Variants in NFATC1 observed in about 807,000 individuals in gnomAD.
The protein encoded by NFATC1 is nuclear factor of activated T cells 1.
Under a neutral mutation model 76.0 loss-of-function variants are expected in NFATC1, and 22 were observed. The observed-to-expected ratio is 0.29, with a 90% confidence interval of 0.21 to 0.41. The LOEUF (loss-of-function observed/expected upper bound fraction) is 0.41, where lower values mean the gene tolerates loss of function less well. NFATC1 is among the 10% of genes least tolerant of loss of function. The pLI, the probability that NFATC1 is intolerant of heterozygous loss-of-function variation, is 1.00. For synonymous variants in NFATC1, 704 were observed against 613.1 expected, an observed-to-expected ratio of 1.15 and a Z score of -2.19; for missense variants, 1,357 against 1,337.7, an observed-to-expected ratio of 1.01 and a Z score of -0.23.
chr18:79,400,331 G>T, intron 1 of NFATC1: 1 of 1,341,686 alleles, frequency 7.5e-7, no homozygotes, highest in South Asian at 1.6e-5. Flanking sequence ...GCAGCGCCGG[G>T]AGAACCGAAC....
rs367652299 is a variant in NFATC1, at chr18:79,411,375, C to T, written c.1100C>T (p.Ala367Val). The T allele has an allele frequency of 2.7e-5, 43 of 1,584,124 alleles. No homozygotes were observed. Among genetic ancestry groups the T allele is most frequent in the East Asian group, 1.1e-4 (5 of 44,682 alleles). Residue 367 changes from alanine (A) to valine (V), a missense_variant, in exon 2 of 10, where the codon GCG becomes GTG. Physicochemically the swap from Ala to Val is moderately conservative, Grantham distance 64 (BLOSUM62 0). Transcript: ENST00000427363. ...LGSPPPPADF[A>V]PEDYSSFQHI... is the part of the protein sequence containing the mutation. ...AGCCCCCCGCCCCCGGCCGACTTCG[C>T]GCCCGAAGACTACTCCTCTTTCCAG...
chr18:79,520,257 C>T (rs970327140), intron 9 of NFATC1, among the ~76,000 whole-genome samples: 1 of 151,868 alleles, frequency 6.6e-6, no homozygotes, highest in African/African-American at 2.4e-5. Context: ...GGAGAGTCGG[C>T]AGCCCTCGCG....
chr18:79,487,521 C>T (rs973601324), intron 9 of NFATC1, among the ~76,000 whole-genome samples: 2 of 152,236 alleles, frequency 1.3e-5, no homozygotes, highest in Admixed American at 6.5e-5. Context: ...CCCATCTAGC[C>T]CCTGGGCTCG....
chr18:79,410,429 G>T lies in NFATC1; in HGVS notation c.154G>T (p.Val52Phe). ...EEHYGYASSN[V>F]SPALPLPTAH... ...ACACTATGGCTATGCATCCTCCAAC[G>T]TCAGCCCCGCCCTGCCGCTCCCCAC... Residue 52 changes from valine (V) to phenylalanine (F), a missense_variant, in exon 2 of 10, where the codon GTC (valine) becomes TTC (phenylalanine). Val to Phe is a conservative substitution (Grantham distance 50). Coordinates refer to ENST00000427363, the MANE Select transcript of NFATC1 (RefSeq NM_001278669.2). This position sits in a 1 kb window ranked among gnomAD's most constrained non-coding sequence, Gnocchi z 6.7. 1 of 1,611,118 alleles carries T rather than the reference G, an allele frequency of 6.2e-7. No individual in the cohort carries two copies.
chr18:79,525,076 ACCG>A (rs1372497343), intron 9 of NFATC1, among the ~76,000 whole-genome samples: 1 of 54,606 alleles, frequency 1.8e-5, no homozygotes, highest in Non-Finnish European at 3.8e-5. Flanking sequence ...CCCACGTCCC[ACCG>A]TCGTTACCCC....
chr18:79,444,835 C>T (rs1197470275), intron 3 of NFATC1, among the ~76,000 whole-genome samples: 3 of 152,232 alleles, frequency 2.0e-5, no homozygotes, highest in African/African-American at 4.8e-5. Flanking sequence ...TGCACACGCC[C>T]ACACTCACGG....
chr18:79,450,389 C>G (rs567248483), intron 4 of NFATC1, among the ~76,000 whole-genome samples: 1 of 148,402 alleles, frequency 6.7e-6, no homozygotes, highest in East Asian at 1.9e-4. Flanking sequence ...ATAATTTATT[C>G]TAATTATGAT....
chr18:79,520,860 T>TG (rs539877248), intron 9 of NFATC1, among the ~76,000 whole-genome samples: 5,868 of 11,354 alleles, frequency 0.52, 1,578 homozygotes, highest in Non-Finnish European at 0.59. Context: ...TGTGTATGTG[T>TG]GGGGGGGGCA....
intron 1 of NFATC1, among the ~76,000 whole-genome samples, chr18:79,406,384 C>T (rs925523552): frequency 3.3e-5 from 5 of 151,966 alleles, no homozygotes; most frequent in African/African-American, 4.8e-5. Flanking sequence ...TTGAAGGCCA[C>T]GGATGCCTCC....
intron 9 of NFATC1, among the ~76,000 whole-genome samples, chr18:79,494,807 C>G (rs111665806): frequency 1.2e-5 from 1 of 81,846 alleles, no homozygotes. Flanking sequence ...GACCTGGTAC[C>G]GCCGGGGGAA....
chr18:79,427,289 C>A (rs1814765899), intron 2 of NFATC1, among the ~76,000 whole-genome samples: 1 of 152,112 alleles, frequency 6.6e-6, no homozygotes, highest in Admixed American at 6.5e-5. Context: ...GGAAGGGGGA[C>A]CAGTATATGC....
At chr18:79,445,626 G>C (rs951573459) in intron 3 of NFATC1, among the ~76,000 whole-genome samples, 1 of 152,228 alleles carries the variant, frequency 6.6e-6, no homozygotes, top group Non-Finnish European at 1.5e-5. Context: ...TTGTGAGCCG[G>C]ATTTTCTGTC....
At chr18:79,461,703 C>G (rs2088108029) in intron 7 of NFATC1, among the ~76,000 whole-genome samples, 1 of 152,182 alleles carries the variant, frequency 6.6e-6, no homozygotes, top group South Asian at 2.1e-4. Flanking sequence ...CCGCCCTTTG[C>G]TGTCCCCTTG....
chr18:79,432,350 C>CGTGGGT (rs2086623881), intron 2 of NFATC1, among the ~76,000 whole-genome samples: 3 of 151,876 alleles, frequency 2.0e-5, no homozygotes, highest in Non-Finnish European at 4.4e-5. Flanking sequence ...GTCGGCGGGC[C>CGTGGGT]CTGGGTCTCT....
At chr18:79,398,075 G>T (rs1197597569) in intron 1 of NFATC1, among the ~76,000 whole-genome samples, 1 of 151,996 alleles carries the variant, frequency 6.6e-6, no homozygotes, top group Non-Finnish European at 1.5e-5. Context: ...GGCCCCACGA[G>T]GCCATTCCTG....
At chr18:79,427,550 C>T (rs187358402) in intron 2 of NFATC1, among the ~76,000 whole-genome samples, 325 of 59,754 alleles carry the variant, frequency 5.4e-3, no homozygotes, top group Middle Eastern at 0.015. Flanking sequence ...GGGAGCTGGA[C>T]GGCTGGCCTC....
intron 9 of NFATC1, 120 bp downstream of exon 9, chr18:79,487,057 G>C (rs2089524990): frequency 2.6e-6 from 3 of 1,162,812 alleles, no homozygotes; most frequent in South Asian, 3.2e-5. Context: ...GCACCGGGCA[G>C]GGTGTGGGGT....
chr18:79,410,793 C>T lies in NFATC1; in HGVS notation c.518C>T (p.Pro173Leu), dbSNP rs773492030. 1.9e-6 allele frequency: 3 copies of T among 1,612,734 alleles called. No homozygotes were observed. The highest frequency in any genetic ancestry group is 1.1e-5 in the South Asian group (1 of 91,048). The change falls in exon 2 of 10, where the codon CCG (proline) becomes CTG (leucine). Residue 173 changes from proline to leucine, a missense_variant. Pro to Leu is a moderately conservative substitution (Grantham distance 98). This residue lies in a region of NFATC1 where 691 missense variants were observed against 613.1 expected (regional missense o/e 1.13). Coordinates refer to ENST00000427363, the MANE Select transcript of NFATC1 (RefSeq NM_001278669.2). The surrounding 1 kb of genome is among the most constrained non-coding windows in gnomAD (Gnocchi z 6.7). ...TACAGAGACCCCTCGTGCCTGAGCC[C>T]GGCCAGCAGCCTGTCCTCCCGGAGC... Reference protein sequence around the residue: ...EAYRDPSCLSPASSLSSRSCN... With the variant: ...EAYRDPSCLSLASSLSSRSCN...
chr18:79,519,515 G>A (rs2090462588), intron 9 of NFATC1, among the ~76,000 whole-genome samples: 1 of 151,282 alleles, frequency 6.6e-6, no homozygotes, highest in Non-Finnish European at 1.5e-5. Context: ...ACATTTGTTT[G>A]TAGAGATGGG....
Sources: gnomAD v4.1 joint callset for allele counts (sites outside exome capture counted in the v4.1 genomes callset) on GRCh38, gnomAD v4.1.1 for gene constraint, gnomAD v4.1.1 regional missense constraint, Gnocchi (gnomAD v3.1) non-coding constraint, MANE v1.5 for transcripts, NCBI Gene and HGNC (gene_info 2026-07-23, HGNC 2026-07-21) for gene names.